Variants in LRGUK observed in about 807,000 individuals in gnomAD.
LRGUK encodes the protein leucine rich repeats and guanylate kinase domain containing.
A neutral mutation model predicts 76.0 loss-of-function variants in LRGUK; 65 were observed. That is an observed-to-expected ratio of 0.85 (90% CI 0.70 to 1.05). The LOEUF (loss-of-function observed/expected upper bound fraction) is 1.05, where lower values mean the gene tolerates loss of function less well. Ranked by LOEUF, LRGUK falls within the 50% of genes least tolerant of loss-of-function variation. The probability of loss-of-function intolerance (pLI) is 0.00; values close to 1 mark genes in which losing one functional copy is unlikely to be tolerated. For synonymous variants in LRGUK, 268 were observed against 265.6 expected (o/e 1.01, Z -0.09); for missense variants, 758 against 732.8 (o/e 1.03, Z -0.40).
intron 8 of LRGUK, among the ~76,000 whole-genome samples, chr7:134,175,209 C>G (rs544243085): frequency 2.6e-5 from 4 of 152,232 alleles, no homozygotes; most frequent in Admixed American, 1.3e-4. Context: ...CTCTTTCTCT[C>G]CATTGACAGA....
chr7:134,144,005 G>A (rs527936075), intron 4 of LRGUK, among the ~76,000 whole-genome samples: 2 of 152,350 alleles, frequency 1.3e-5, no homozygotes, highest in South Asian at 4.1e-4. Flanking sequence ...ACCTGAGGGA[G>A]TTTTCAGACC....
intron 11 of LRGUK, among the ~76,000 whole-genome samples, chr7:134,188,366 G>A (rs988522068): frequency 1.3e-5 from 2 of 152,136 alleles, no homozygotes; most frequent in South Asian, 2.1e-4. Flanking sequence ...AGGACAGACA[G>A]GGGTCCGGTC....
intron 16 of LRGUK, among the ~76,000 whole-genome samples, chr7:134,225,138 A>C (rs546481513): frequency 4.0e-5 from 6 of 150,986 alleles, no homozygotes; most frequent in Non-Finnish European, 7.4e-5. Context: ...AAAAAAAAAA[A>C]AAAAAAAAAA....
At chr7:134,174,800 T>A (rs549079293) in intron 8 of LRGUK, among the ~76,000 whole-genome samples, 164 bp downstream of exon 8, 44 of 152,316 alleles carry the variant, frequency 2.9e-4, no homozygotes, top group Non-Finnish European at 4.9e-4. Context: ...TAGTAGTACC[T>A]AAAGTGACAA....
downstream of LRGUK, among the ~76,000 whole-genome samples, chr7:134,214,775 AACACAC>A (rs56096728): frequency 9.3e-3 from 1,366 of 146,748 alleles, 10 homozygotes; most frequent in African/African-American, 0.022. Flanking sequence ...ATTAAATTTA[AACACAC>A]ACACACACAC....
chr7:134,142,466 G>T (rs1000473172), intron 3 of LRGUK, among the ~76,000 whole-genome samples: 1 of 152,170 alleles, frequency 6.6e-6, no homozygotes, highest in Non-Finnish European at 1.5e-5. Flanking sequence ...GTGTGTGCTT[G>T]GGATAAAATG....
Position 134,221,761 on chromosome 7 carries a change from A to ATT in LRGUK, c.1844-10_1844-9dup. The ATT allele has an allele frequency of 1.4e-6, 2 of 1,450,490 alleles. No individual in the cohort carries two copies. Among genetic ancestry groups the ATT allele is most frequent in the South Asian group, 1.6e-5 (1 of 63,770 alleles). The allele number at this position is 1,450,490 out of a possible 1,614,324, so 89.9% of individuals were successfully genotyped here. A position where few individuals can be genotyped will look rare whatever the true frequency, so the allele number is the denominator to read the frequency against. On this transcript the variant is annotated splice_polypyrimidine_tract_variant and intron_variant, in intron 15 of 19. Transcript: ENST00000285928. ...CTTTATGACTTTTATTTTAAACTTT[A>ATT]TTTTTTTTTCCTACCAGATGTTAAG...
chr7:134,189,552 AC>A (rs1431084786), intron 11 of LRGUK, among the ~76,000 whole-genome samples: 4 of 152,148 alleles, frequency 2.6e-5, no homozygotes, highest in Non-Finnish European at 5.9e-5. Flanking sequence ...GTCTTTATTT[AC>A]CTGCCTAGAA....
intron 16 of LRGUK, among the ~76,000 whole-genome samples, chr7:134,244,084 A>C (rs1316655946): frequency 6.6e-6 from 1 of 152,242 alleles, no homozygotes; most frequent in Non-Finnish European, 1.5e-5. Flanking sequence ...TGTTAGACCG[A>C]AAACCATAAA....
chr7:134,160,015 C>A (rs55790534), intron 6 of LRGUK, among the ~76,000 whole-genome samples: 19,763 of 152,182 alleles, frequency 0.13, 1,626 homozygotes, highest in East Asian at 0.32. Flanking sequence ...AGAAAGTCAA[C>A]TTTTAAAATT....
At chr7:134,167,537 C>A (rs375253968) in intron 7 of LRGUK, among the ~76,000 whole-genome samples, 1 of 152,160 alleles carries the variant, frequency 6.6e-6, no homozygotes, top group South Asian at 2.1e-4. Context: ...AGGTTCCACA[C>A]CGTCTGACTT....
chr7:134,221,670 A>C (rs1801598335), intron 15 of LRGUK, 109 bp from the exon 16 acceptor site: 3 of 725,200 alleles, frequency 4.1e-6, no homozygotes, highest in Non-Finnish European at 6.1e-6. Flanking sequence ...CGCACATTTT[A>C]AGTATCCAGC....
chr7:134,265,517 C>T (rs1009661088), downstream of LRGUK, among the ~76,000 whole-genome samples: 16 of 152,260 alleles, frequency 1.1e-4, no homozygotes, highest in African/African-American at 2.9e-4. Context: ...CCAGCGAAAG[C>T]CCACTCTCTC....
rs180674918 is a variant in LRGUK, at chr7:134,127,680, C to T, written c.297+16C>T. On this transcript the variant is annotated intron_variant, in intron 1 of 15. Transcript: ENST00000645682. ...GAATTTGGAGGTGTGTCTTCCCCCC[C>T]ACCCCGTACTCCCTGGCTCCCTCGT... The T allele has an allele frequency of 1.1e-5, 18 of 1,604,238 alleles. No individual in the cohort carries two copies. Among genetic ancestry groups the T allele is most frequent in the Middle Eastern group, 2.1e-4 (1 of 4,730 alleles).
chr7:134,191,884 G>GT (rs758192894), intron 12 of LRGUK, 133 bp downstream of exon 12: 75,258 of 418,328 alleles, frequency 0.18, 6 homozygotes, highest in Middle Eastern at 0.23. Context: ...TTTTTATGGG[G>GT]TTTTTTTTTT....
intron 16 of LRGUK, 62 bp from the exon 17 acceptor site, chr7:134,247,494 A>G (rs570243695): frequency 8.4e-7 from 1 of 1,188,140 alleles, no homozygotes; most frequent in East Asian, 2.4e-5. Context: ...ATTATTATAG[A>G]TGTTTTAATC....
At chr7:134,206,722 C>T (rs1801026619) in intron 15 of LRGUK, among the ~76,000 whole-genome samples, 1 of 152,026 alleles carries the variant, frequency 6.6e-6, no homozygotes, top group Admixed American at 6.6e-5. Flanking sequence ...ATTCACAACT[C>T]AGTATTAAGG....
At chr7:134,140,028 G>A (rs1488515060) in intron 3 of LRGUK, among the ~76,000 whole-genome samples, 1 of 152,032 alleles carries the variant, frequency 6.6e-6, no homozygotes, top group Non-Finnish European at 1.5e-5. Flanking sequence ...GAGTGCAGTG[G>A]CATGATCACA....
intron 4 of LRGUK, among the ~76,000 whole-genome samples, chr7:134,146,967 T>G (rs1343067853): frequency 2.0e-5 from 3 of 152,196 alleles, no homozygotes; most frequent in African/African-American, 7.2e-5. Context: ...TTGTTTATCT[T>G]TTGTCAGCAG....
Sources: allele counts gnomAD v4.1 joint callset (sites outside exome capture counted in the v4.1 genomes callset), GRCh38; gene constraint gnomAD v4.1.1; transcripts MANE v1.5; gene names NCBI Gene and HGNC (gene_info 2026-07-23, HGNC 2026-07-21).